PCNX1: variants seen among roughly 807,000 people sequenced by gnomAD.
The protein encoded by PCNX1 is pecanex-like protein 1.
In PCNX1, 78 loss-of-function variants were observed where a neutral mutation model predicts 242.2. The ratio of observed to expected loss-of-function variants is 0.32; its 90% CI spans 0.27 to 0.39. The LOEUF is 0.39. Ranked by LOEUF, PCNX1 falls within the 10% of genes least tolerant of loss-of-function variation. The probability of loss-of-function intolerance (pLI) is 1.00; values close to 1 mark genes in which losing one functional copy is unlikely to be tolerated. For missense variants in PCNX1, 2,581 were observed against 2,856.5 expected (o/e 0.90, Z 2.20); for synonymous variants, 1,024 against 1,032.9 (o/e 0.99, Z 0.17).
Position 70,983,131 on chromosome 14 carries a change from G to A in PCNX1, c.2311+4483G>A, listed in dbSNP as rs1004450075. 1.3e-5 allele frequency among the ~76,000 whole-genome samples: 2 copies of A among 152,162 alleles called. 1 individual carries two copies. The highest frequency in any genetic ancestry group is 2.9e-5 in the Non-Finnish European group (2 of 68,032). On this transcript the variant is annotated intron_variant, in intron 6 of 35. Coordinates refer to ENST00000304743, the MANE Select transcript of PCNX1 (RefSeq NM_014982.3). ...TTAAGGGACTCTCCTGAAAGTGGAT[G>A]CAAAATTGTATCTAACGGGTTGATA... is the stretch of plus-strand genomic sequence containing the variant.
At chr14:70,989,284 T>TTA (rs906969490) in intron 7 of PCNX1, among the ~76,000 whole-genome samples, 1 of 151,410 alleles carries the variant, frequency 6.6e-6, no homozygotes, top group East Asian at 1.9e-4. Context: ...AGATATATAT[T>TTA]TATATATATT....
chr14:71,100,092 T>TTTGGTCCTATTAGGAAGTTG (rs1293161057), intron 30 of PCNX1, among the ~76,000 whole-genome samples: 2 of 152,138 alleles, frequency 1.3e-5, no homozygotes, highest in East Asian at 1.9e-4. Flanking sequence ...TATGTGAGGT[T>TTTGGTCCTATTAGGAAGTTG]TTGGTCCTAT....
intron 7 of PCNX1, among the ~76,000 whole-genome samples, chr14:70,994,396 G>GATATAGATATATATAT (rs1555357280): frequency 1.0e-5 from 1 of 96,968 alleles, no homozygotes; most frequent in Non-Finnish European, 2.2e-5. Context: ...ACAGGCTTAA[G>GATATAGATATATATAT]ATATATATAT....
At chr14:71,058,282 A>G (rs1298859499) in intron 26 of PCNX1, among the ~76,000 whole-genome samples, 2 of 152,240 alleles carry the variant, frequency 1.3e-5, no homozygotes, top group African/African-American at 4.8e-5. Context: ...ACTCCAAAAT[A>G]AAACGGTGTA....
rs766465535 is a variant in PCNX1, at chr14:71,103,608, A to G, written c.6034A>G (p.Ile2012Val). Residue 2012 changes from isoleucine to valine, a missense_variant, in exon 32 of 36, where the codon ATT (isoleucine) becomes GTT (valine). Ile to Val is a conservative substitution (Grantham distance 29, BLOSUM62 3). Transcript: ENST00000304743. ...TGACAGCCACGAACAGCTTAAAGACATTCTTGGGGGTCCTATCAGCTTGGG... is the reference window on the plus strand; with the variant it reads ...TGACAGCCACGAACAGCTTAAAGACGTTCTTGGGGGTCCTATCAGCTTGGG... ...YSDSHEQLKD[I>V]LGGPISLGNI... is the part of the protein sequence containing the mutation. 1.7e-5 allele frequency: 28 copies of G among 1,614,086 alleles called. No individual in the cohort carries two copies. The East Asian group carries it at 4.2e-4, about 24-fold the overall frequency.
intron 3 of PCNX1, among the ~76,000 whole-genome samples, chr14:70,966,989 C>A (rs1310537521): frequency 6.6e-6 from 1 of 152,220 alleles, no homozygotes; most frequent in East Asian, 1.9e-4. Context: ...CTAGAAGAAC[C>A]AAGCTTAATA....
Position 70,978,567 on chromosome 14 carries a change from G to C in PCNX1, c.2230G>C (p.Glu744Gln). The C allele has an allele frequency of 6.2e-7, 1 of 1,614,154 alleles. No individual in the cohort carries two copies. The highest frequency in any genetic ancestry group is 2.2e-5 in the East Asian group (1 of 44,872). ...TTTATTAGGACGGGCTTCCCAGTTAGAGACAGTCACTCGATCTAGGAATAG... is the reference window on the plus strand; with the variant it reads ...TTTATTAGGACGGGCTTCCCAGTTACAGACAGTCACTCGATCTAGGAATAG... ...LSLLGRASQL[E>Q]TVTRSRNSLP... The change falls in exon 6 of 36, where the codon GAG (glutamate) becomes CAG (glutamine). Residue 744 changes from glutamate to glutamine, a missense_variant. By Grantham distance (29) the Glu-to-Gln change is conservative. Transcript: ENST00000304743.
Position 71,024,311 on chromosome 14 carries a change from T to C in PCNX1, c.3183+1079T>C, listed in dbSNP as rs958985796. On this transcript the variant is annotated intron_variant, in intron 13 of 35. Coordinates refer to ENST00000304743, the MANE Select transcript of PCNX1 (RefSeq NM_014982.3). ...GCTGTCTTCTAATATATAGATCTTA[T>C]TCAAATAGGTTTTGCCCATTGTCTT... is the stretch of plus-strand genomic sequence containing the variant. Among the ~76,000 whole-genome samples the C allele has an allele frequency of 3.3e-5, 5 of 152,308 alleles. No homozygotes were observed. In the East Asian group the frequency reaches 7.7e-4, roughly 23 times the overall value.
chr14:71,038,832 A>T (rs1288019005), intron 19 of PCNX1, among the ~76,000 whole-genome samples: 12 of 151,474 alleles, frequency 7.9e-5, no homozygotes, highest in Admixed American at 2.6e-4. Flanking sequence ...CAAATGTCCA[A>T]CAATGATAGA....
intron 6 of PCNX1, among the ~76,000 whole-genome samples, chr14:70,980,950 G>A (rs575618742): frequency 6.6e-6 from 1 of 152,246 alleles, no homozygotes; most frequent in Admixed American, 6.5e-5. Flanking sequence ...TTTTAAGGTA[G>A]GTGGTGGTGG....
chr14:70,925,361 A>C (rs1404314402), intron 1 of PCNX1, among the ~76,000 whole-genome samples: 1 of 152,160 alleles, frequency 6.6e-6, no homozygotes, highest in East Asian at 1.9e-4. Flanking sequence ...TAATGTTGAA[A>C]ATGAAGACAG....
intron 20 of PCNX1, among the ~76,000 whole-genome samples, chr14:71,045,824 T>G (rs1452480624): frequency 6.6e-6 from 1 of 152,162 alleles, no homozygotes; most frequent in South Asian, 2.1e-4. Flanking sequence ...TGCAATAAAG[T>G]ATAAAAGGAT....
Position 71,047,865 on chromosome 14 carries a change from A to G in PCNX1, c.4219A>G (p.Ser1407Gly), listed in dbSNP as rs766966522. ...GLKLLRSSFS[S>G]PTYQYVTVIF... ...GAAGTTGCTACGATCCTCTTTTAGC[A>G]GCCCTACATATCAGTATGTTACAGT... is the stretch of plus-strand genomic sequence containing the variant. The change falls in exon 22 of 36, where the codon AGC (serine) becomes GGC (glycine). Residue 1407 changes from serine to glycine, a missense_variant. Ser to Gly is a moderately conservative substitution (Grantham distance 56). Coordinates refer to ENST00000304743, the MANE Select transcript of PCNX1 (RefSeq NM_014982.3). 6.2e-6 allele frequency: 10 copies of G among 1,613,184 alleles called. No individual in the cohort carries two copies. The South Asian group carries it at 8.8e-5, about 14-fold the overall frequency.
intron 1 of PCNX1, among the ~76,000 whole-genome samples, chr14:70,923,706 G>C (rs1329572409): frequency 1.3e-5 from 2 of 152,146 alleles, no homozygotes; most frequent in Non-Finnish European, 2.9e-5. Context: ...TCCATCGGTA[G>C]CTAAGGGCTT....
chr14:70,938,144 C>T (rs1239805638), intron 1 of PCNX1, among the ~76,000 whole-genome samples: 2 of 152,078 alleles, frequency 1.3e-5, no homozygotes, highest in African/African-American at 2.4e-5. Context: ...CCTGATTGCC[C>T]TGGCCAGAAC....
Position 70,978,377 on chromosome 14 carries a change from C to G in PCNX1, c.2040C>G (p.Ser680Arg). Residue 680 changes from serine (S) to arginine (R), a missense_variant, in exon 6 of 36, where the codon AGC (serine) becomes AGG (arginine). Physicochemically the swap from Ser to Arg is moderately radical, Grantham distance 110. Around this residue, in one of 9 missense-constraint regions of PCNX1, gnomAD observed 1,204 missense variants for 1,216.7 expected, o/e 0.99. Transcript: ENST00000304743. ...AGCGTGCAACACGACGGACTTCTAG[C>G]ACAAATAGTGCCAAGACTCGTGCCC... is the stretch of plus-strand genomic sequence containing the variant. ...SKKRATRRTSSTNSAKTRARV... is the reference protein window; with the variant it reads ...SKKRATRRTSRTNSAKTRARV... The G allele has an allele frequency of 6.2e-7, 1 of 1,614,230 alleles. No individual in the cohort carries two copies. Among genetic ancestry groups the G allele is most frequent in the Non-Finnish European group, 8.5e-7 (1 of 1,180,040 alleles).
In PCNX1 at chr14:70,946,885, AT is replaced by A. The variant is rs772835729; in HGVS notation, c.154-29del. ...TGAATACGATATAAAATATTTTAAA[AT>A]GTATTTCCTTATTTTCTTTCTCTTA... is the stretch of plus-strand genomic sequence containing the variant. On this transcript the variant is annotated intron_variant, in intron 1 of 35. Transcript: ENST00000304743. The A allele has an allele frequency of 3.9e-5, 53 of 1,373,820 alleles. No homozygotes were observed. The African/African-American group carries it at 5.5e-4, about 14-fold the overall frequency. 85.1% of individuals were successfully genotyped at this position (1,373,820 alleles called of 1,614,324 possible).
At chr14:71,014,303 T>C (rs1021721395) in intron 11 of PCNX1, among the ~76,000 whole-genome samples, 1 of 152,198 alleles carries the variant, frequency 6.6e-6, no homozygotes, top group Non-Finnish European at 1.5e-5. Flanking sequence ...AGAAGATTTA[T>C]GGAAATCCAG....
At chr14:71,050,103 G>T (rs1188625588) in intron 22 of PCNX1, among the ~76,000 whole-genome samples, 1 of 152,044 alleles carries the variant, frequency 6.6e-6, no homozygotes, top group Non-Finnish European at 1.5e-5. Context: ...TGGGGAAAAT[G>T]TGTCTTAGAA....
Sources: gnomAD v4.1 joint callset for allele counts (sites outside exome capture counted in the v4.1 genomes callset) on GRCh38, gnomAD v4.1.1 for gene constraint, gnomAD v4.1.1 regional missense constraint, MANE v1.5 for transcripts, NCBI Gene and HGNC (gene_info 2026-07-23, HGNC 2026-07-21) for gene names.